Variants in ZBP1 observed in about 807,000 individuals in gnomAD.
The protein encoded by ZBP1 is Z-DNA binding protein 1.
A neutral mutation model predicts 41.1 loss-of-function variants in ZBP1; 42 were observed. The observed-to-expected ratio is 1.02, with a 90% CI of 0.80 to 1.32. The LOEUF (loss-of-function observed/expected upper bound fraction) is 1.32, where lower values mean the gene tolerates loss of function less well. Ranked by LOEUF, ZBP1 falls within the 40% of genes most tolerant of loss-of-function variation. ZBP1 has a pLI of 0.00. For synonymous variants in ZBP1, 214 were observed against 205.2 expected (o/e 1.04, Z -0.37); for missense variants, 562 against 549.7 (o/e 1.02, Z -0.22).
chr20:57,614,747 C>T, intron 4 of ZBP1, 140 bp downstream of exon 4: 2 of 1,141,696 alleles, frequency 1.8e-6, no homozygotes, highest in Non-Finnish European at 2.5e-6. Flanking sequence ...TCCTGGAAGC[C>T]CTTGCAGTGA....
intron 5 of ZBP1, chr20:57,612,764 G>A (rs112072687): frequency 6.7e-4 from 245 of 366,752 alleles, no homozygotes; most frequent in African/African-American, 4.4e-3. Flanking sequence ...GAACAAATAC[G>A]GTACTACAAT....
intron 1 of ZBP1, chr20:57,616,972 A>G (rs1469963184): frequency 5.9e-6 from 1 of 170,482 alleles, no homozygotes; most frequent in Non-Finnish European, 1.3e-5. Context: ...CAAGCCAGAG[A>G]CCGACCAGAC....
At chr20:57,614,701 G>T (rs2070769486) in intron 4 of ZBP1, among the ~76,000 whole-genome samples, 186 bp downstream of exon 4, 1 of 152,196 alleles carries the variant, frequency 6.6e-6, no homozygotes. Flanking sequence ...CCTCCAAAAA[G>T]CTGTCCCTGG....
chr20:57,616,507 C>T (rs2070835761), intron 1 of ZBP1, 39 bp from the exon 2 acceptor site: 7 of 1,604,632 alleles, frequency 4.4e-6, no homozygotes, highest in Non-Finnish European at 6.0e-6. Flanking sequence ...GGAACTGAGT[C>T]TCCCAGGTCC....
chr20:57,607,508 A>G (rs1411125668), intron 7 of ZBP1, among the ~76,000 whole-genome samples: 2 of 152,254 alleles, frequency 1.3e-5, no homozygotes, highest in South Asian at 4.1e-4. Flanking sequence ...TTAGACTGCT[A>G]TATAAACCTA....
At chr20:57,605,105 C>CAAACAAAACAAAACAAAACA (rs11472817) in intron 7 of ZBP1, among the ~76,000 whole-genome samples, 28 of 150,226 alleles carry the variant, frequency 1.9e-4, no homozygotes, top group African/African-American at 2.4e-4. Context: ...GCAATTTCCT[C>CAAACAAAACAAAACAAAACA]AAACAAAACA....
In ZBP1 at chr20:57,613,824, C is replaced by T. The variant is rs1007665192; in HGVS notation, c.503-494G>A. On this transcript the variant is annotated intron_variant, in intron 4 of 7. Transcript: ENST00000371173. This position sits in a 1 kb window ranked among gnomAD's most constrained non-coding sequence, Gnocchi z 4.5. ...CGCGTTATTCCTTCCTCACAGCAGCCCTAGGATGCTGAGACCCCCTCGGGC... is the reference window on the plus strand; with the variant it reads ...CGCGTTATTCCTTCCTCACAGCAGCTCTAGGATGCTGAGACCCCCTCGGGC... Among the ~76,000 whole-genome samples the T allele has an allele frequency of 2.0e-5, 3 of 152,300 alleles. No individual in the cohort carries two copies. The highest frequency in any genetic ancestry group is 4.8e-5 in the African/African-American group (2 of 41,550).
chr20:57,607,117 A>G, intron 7 of ZBP1: 1 of 1,304,328 alleles, frequency 7.7e-7, no homozygotes, highest in Non-Finnish European at 1.0e-6. Flanking sequence ...GTGATTCCTC[A>G]GATGGATCTG....
chr20:57,610,930 C>A lies in ZBP1; in HGVS notation c.875-563G>T, dbSNP rs886934448. ...GCTTCCCTGGTCTCACCAGCCTGGC[C>A]CCTCTCTGGAGACTCCTTTCCCGGG... On this transcript the variant is annotated intron_variant, in intron 6 of 7. Coordinates refer to ENST00000371173, the MANE Select transcript of ZBP1 (RefSeq NM_030776.3). The surrounding 1 kb of genome is among the most constrained non-coding windows in gnomAD (Gnocchi z 5.5). Among the ~76,000 whole-genome samples, 13 of 152,148 alleles carry A rather than the reference C, an allele frequency of 8.5e-5. No homozygotes were observed. The highest frequency in any genetic ancestry group is 8.5e-4 in the Admixed American group (13 of 15,280).
At chr20:57,609,118 G>T (rs115893130) in intron 7 of ZBP1, among the ~76,000 whole-genome samples, 5,913 of 152,228 alleles carry the variant, frequency 0.039, 157 homozygotes, top group Middle Eastern at 0.054. Context: ...TCAAACCCCT[G>T]TGGGTTCCCA....
In ZBP1 at chr20:57,613,189, G is replaced by A. The variant is rs777874185; in HGVS notation, c.644C>T (p.Thr215Ile). 14 of 1,614,080 alleles carry A rather than the reference G, an allele frequency of 8.7e-6. No individual in the cohort carries two copies. Among genetic ancestry groups the A allele is most frequent in the Non-Finnish European group, 1.2e-5 (14 of 1,180,038 alleles). ...GTCCTCCCTGGAGACTGTCTGTCTT[G>A]TAATGATGTTCCCGTGTCCAATCTG... ...AIQIGHGNIITRQTVSREDGS... is the reference protein window; with the variant it reads ...AIQIGHGNIIIRQTVSREDGS... Residue 215 changes from threonine to isoleucine, a missense_variant, in exon 5 of 8, where the codon ACA becomes ATA. Physicochemically the swap from Thr to Ile is moderately conservative, Grantham distance 89. Coordinates refer to ENST00000371173, the MANE Select transcript of ZBP1 (RefSeq NM_030776.3). This position sits in a 1 kb window ranked among gnomAD's most constrained non-coding sequence, Gnocchi z 4.5.
intron 7 of ZBP1, among the ~76,000 whole-genome samples, chr20:57,605,546 C>G (rs935153005): frequency 2.0e-5 from 3 of 152,230 alleles, no homozygotes; most frequent in African/African-American, 7.2e-5. Context: ...TGTGCTCTAA[C>G]CTGTCACTGA....
chr20:57,617,923 C>T (rs2070886480), intron 1 of ZBP1: 1 of 152,104 alleles, frequency 6.6e-6, no homozygotes, highest in African/African-American at 2.4e-5. Flanking sequence ...CCAATAGACC[C>T]TGGGCAGGGC....
Position 57,607,201 on chromosome 20 carries a change from G to T in ZBP1, c.1094-2432C>A, listed in dbSNP as rs1368317125. On this transcript the variant is annotated intron_variant, in intron 7 of 7. Coordinates refer to ENST00000371173, the MANE Select transcript of ZBP1 (RefSeq NM_030776.3). The stretch of plus-strand genomic sequence containing the variant: ...CGTTAAGAACATTTGTGATTCATGG[G>T]AGGAGGTCAAACTATCAACATTCAC... 7 of 1,304,078 alleles carry T rather than the reference G, an allele frequency of 5.4e-6. No homozygotes were observed. In the South Asian group the frequency reaches 7.4e-5, roughly 14 times the overall value. 80.8% of individuals were successfully genotyped at this position (1,304,078 alleles called of 1,614,324 possible).
At chr20:57,604,847 A>T in intron 7 of ZBP1, 78 bp from the exon 8 acceptor site, 1 of 1,377,364 alleles carries the variant, frequency 7.3e-7, no homozygotes, top group East Asian at 2.3e-5. Flanking sequence ...TCTTGGAAGG[A>T]TTTCGAGCTC....
At chr20:57,608,048 C>A (rs1185544980) in intron 7 of ZBP1, among the ~76,000 whole-genome samples, 1 of 151,894 alleles carries the variant, frequency 6.6e-6, no homozygotes, top group Non-Finnish European at 1.5e-5. Flanking sequence ...GGGCAAGGGG[C>A]AAAGATGTCA....
rs1425537772 is a variant in ZBP1, at chr20:57,610,874, A to G, written c.875-507T>C. The stretch of plus-strand genomic sequence containing the variant: ...CCCCAGAAACCACCCCCTCAAGGTT[A>G]CCACGATCCCTCTCGCTGAACCCCA... On this transcript the variant is annotated intron_variant, in intron 6 of 7. Coordinates refer to ENST00000371173, the MANE Select transcript of ZBP1 (RefSeq NM_030776.3). The surrounding 1 kb of genome is among the most constrained non-coding windows in gnomAD (Gnocchi z 5.5). Among the ~76,000 whole-genome samples the G allele has an allele frequency of 6.7e-6, 1 of 148,330 alleles. No homozygotes were observed. Among genetic ancestry groups the G allele is most frequent in the Non-Finnish European group, 1.5e-5 (1 of 67,280 alleles).
In ZBP1 at chr20:57,604,262, C is replaced by G. The variant is rs1180286560; in HGVS notation, c.*311G>C. The G allele has an allele frequency of 1.0e-5, 5 of 501,304 alleles. No individual in the cohort carries two copies. Among genetic ancestry groups the G allele is most frequent in the Non-Finnish European group, 1.9e-5 (5 of 264,260 alleles). The allele number at this position is 501,304 out of a possible 1,614,324, so 31.1% of individuals were successfully genotyped here. ...ATGGAAGGTAACTCCAGGCAGATGC[C>G]CCGAGCCCAGGAAAGAGTGGAGAGA... On this transcript the variant is annotated 3_prime_UTR_variant, in exon 8 of 8. Coordinates refer to ENST00000371173, the MANE Select transcript of ZBP1 (RefSeq NM_030776.3).
chr20:57,616,275 C>T lies in ZBP1; in HGVS notation c.228G>A (p.Glu76=). The change falls in exon 2 of 8, where the codon GAG becomes GAA. Residue 76 remains glutamate (E), a synonymous_variant. Transcript: ENST00000371173. ...TGGACAAGGCCAGCTCTGCAGGACC[C>T]TCGCCTTCAGGATCAGTCCCGCCCA... is the stretch of plus-strand genomic sequence containing the variant. The part of the protein sequence containing the change: ...WCLGGTDPEG[E]GPAELALSSP... 1 of 1,614,108 alleles carries T rather than the reference C, an allele frequency of 6.2e-7. No individual in the cohort carries two copies. Among genetic ancestry groups the T allele is most frequent in the Non-Finnish European group, 8.5e-7 (1 of 1,180,018 alleles).
Sources: allele counts gnomAD v4.1 joint callset (sites outside exome capture counted in the v4.1 genomes callset), GRCh38; gene constraint gnomAD v4.1.1; non-coding constraint Gnocchi (gnomAD v3.1); transcripts MANE v1.5; gene names NCBI Gene and HGNC (gene_info 2026-07-23, HGNC 2026-07-21).